EML1: variants seen among roughly 807,000 people sequenced by gnomAD.
EML1 encodes the protein echinoderm microtubule-associated protein-like 1.
A neutral mutation model predicts 110.4 loss-of-function variants in EML1; 27 were observed. That is an observed-to-expected ratio of 0.24 (90% CI 0.18 to 0.34). The LOEUF (loss-of-function observed/expected upper bound fraction) is 0.34, where lower values mean the gene tolerates loss of function less well. EML1 is among the 10% of genes least tolerant of loss of function. EML1 has a pLI of 1.00. For synonymous variants in EML1, 344 were observed against 385.8 expected, an observed-to-expected ratio of 0.89 and a Z score of 1.27; for missense variants, 741 against 1,030.9, an observed-to-expected ratio of 0.72 and a Z score of 3.85.
chr14:99,741,795 T>TG (rs1199531142), intron 1 of EML1, among the ~76,000 whole-genome samples: 4 of 152,060 alleles, frequency 2.6e-5, no homozygotes, highest in Admixed American at 6.5e-5. Context: ...CTCTCTGAGG[T>TG]GGGGGGGCCT....
chr14:99,821,023 CTTTTTTT>C (rs869159128), intron 1 of EML1, among the ~76,000 whole-genome samples: 5 of 133,874 alleles, frequency 3.7e-5, no homozygotes, highest in African/African-American at 5.6e-5. Context: ...CTTACATTTA[CTTTTTTT>C]TTTTTTTTTT....
intron 1 of EML1, among the ~76,000 whole-genome samples, chr14:99,765,832 CT>C (rs778093453): frequency 5.9e-5 from 9 of 151,960 alleles, no homozygotes; most frequent in Non-Finnish European, 1.3e-4. Context: ...CTTGAACCCC[CT>C]GCCTCAAGTA....
At chr14:99,790,865 C>CTTTTTTTTTTGTGA (rs763959981), upstream of EML1, among the ~76,000 whole-genome samples, 1 of 138,480 alleles carries the variant, frequency 7.2e-6, no homozygotes, top group African/African-American at 2.8e-5. Context: ...TTTTTCTTTT[C>CTTTTTTTTTTGTGA]CTTTTTTTTT....
chr14:99,741,372 TC>T (rs772756916), intron 1 of EML1, among the ~76,000 whole-genome samples: 23 of 152,014 alleles, frequency 1.5e-4, no homozygotes, highest in Middle Eastern at 3.4e-3. Flanking sequence ...GGGAAGTTGT[TC>T]CCCCGTCTTT....
At chr14:99,789,936 A>C (rs182716288), upstream of EML1, among the ~76,000 whole-genome samples, 79 of 152,242 alleles carry the variant, frequency 5.2e-4, no homozygotes, top group Non-Finnish European at 7.8e-4. Flanking sequence ...CACATTATTA[A>C]TTTTCAGAGA....
chr14:99,894,238 G>C (rs1220235812), intron 5 of EML1, among the ~76,000 whole-genome samples: 1 of 152,192 alleles, frequency 6.6e-6, no homozygotes, highest in Non-Finnish European at 1.5e-5. Flanking sequence ...TGGATATTGA[G>C]ATTGTGTATA....
In EML1 at chr14:99,874,966, A is replaced by G. The variant is rs2059265263; in HGVS notation, c.384-3519A>G. The G allele has an allele frequency of 2.5e-6, 4 of 1,613,764 alleles. No individual in the cohort carries two copies. In the African/African-American group the frequency reaches 4.0e-5, roughly 16 times the overall value. On this transcript the variant is annotated intron_variant, in intron 3 of 21. Transcript: ENST00000262233. ...TCTGTGAGTCTTCTCAATGCTTGCAAACTGAATAGATCGACACCAAGGTGA... is the reference window on the plus strand; with the variant it reads ...TCTGTGAGTCTTCTCAATGCTTGCAGACTGAATAGATCGACACCAAGGTGA...
rs765528097 is a variant in EML1 at position 99,937,809 on chromosome 14, T to C, written c.2096-8T>C. On this transcript the variant is annotated splice_region_variant and splice_polypyrimidine_tract_variant and intron_variant, in intron 19 of 21. Transcript: ENST00000262233. ...CTTAGATGTTGCCAGACTGTTTGCT[T>C]TTTGCAGGGGTTCCCTCTGCCTGTA... The C allele has an allele frequency of 5.0e-6, 8 of 1,613,534 alleles. No individual in the cohort carries two copies. In the South Asian group the frequency reaches 8.8e-5, roughly 18 times the overall value.
At chr14:99,770,930 G>A (rs1423671044), upstream of EML1, among the ~76,000 whole-genome samples, 3 of 150,940 alleles carry the variant, frequency 2.0e-5, no homozygotes, top group Non-Finnish European at 3.0e-5. Context: ...GACTACAGGC[G>A]CCCGCCACTA....
intron 9 of EML1, chr14:99,906,941 C>G (rs1441097177): frequency 6.5e-6 from 1 of 152,780 alleles, no homozygotes; most frequent in Admixed American, 6.5e-5. Context: ...CACTCAGGCC[C>G]CCAGAGCCGA....
At chr14:99,872,345 A>G (rs2059219878) in intron 3 of EML1, among the ~76,000 whole-genome samples, 1 of 152,216 alleles carries the variant, frequency 6.6e-6, no homozygotes, top group African/African-American at 2.4e-5. Context: ...CGAACACGTG[A>G]AAAATTATGC....
intron 1 of EML1, among the ~76,000 whole-genome samples, chr14:99,830,798 G>T (rs963879177): frequency 6.6e-6 from 1 of 152,040 alleles, no homozygotes; most frequent in Non-Finnish European, 1.5e-5. Flanking sequence ...TGATCCGCCC[G>T]CCTCAGCCTC....
intron 2 of EML1, among the ~76,000 whole-genome samples, chr14:99,854,034 T>G (rs758047219): frequency 8.5e-5 from 13 of 152,210 alleles, no homozygotes; most frequent in Non-Finnish European, 1.5e-4. Context: ...AATGCTTAGG[T>G]CTCACTCAGT....
At chr14:99,881,308 A>G (rs1177086067) in intron 4 of EML1, among the ~76,000 whole-genome samples, 13 of 152,362 alleles carry the variant, frequency 8.5e-5, no homozygotes, top group African/African-American at 3.1e-4. Flanking sequence ...ATTATTAGCC[A>G]TAAAGCTCAC....
chr14:99,752,741 C>A (rs1318062994), intron 1 of EML1, among the ~76,000 whole-genome samples: 1 of 152,146 alleles, frequency 6.6e-6, no homozygotes, highest in African/African-American at 2.4e-5. Context: ...CTTCCCAGCC[C>A]CCTTTAAGGA....
At chr14:99,792,779 C>T (rs1005943171), upstream of EML1, 12 of 152,326 alleles carry the variant, frequency 7.9e-5, no homozygotes, top group African/African-American at 2.9e-4. Flanking sequence ...TTCGAGCTGA[C>T]TTGCCAGTCC....
At chr14:99,855,916 A>T (rs1007876551) in intron 2 of EML1, among the ~76,000 whole-genome samples, 3 of 152,192 alleles carry the variant, frequency 2.0e-5, no homozygotes, top group Non-Finnish European at 4.4e-5. Flanking sequence ...CTCTGCAACC[A>T]CTGTCAAAAG....
chr14:99,770,385 A>ATCTATCTATCTC (rs1464159857), upstream of EML1, among the ~76,000 whole-genome samples: 1 of 150,578 alleles, frequency 6.6e-6, no homozygotes, highest in Admixed American at 6.6e-5. Context: ...CTTTCTATCT[A>ATCTATCTATCTC]TCTATCTATC....
chr14:99,835,760 A>G (rs1233566109), intron 1 of EML1, among the ~76,000 whole-genome samples: 2 of 152,208 alleles, frequency 1.3e-5, no homozygotes, highest in Non-Finnish European at 2.9e-5. Context: ...TTGCATGTGG[A>G]CATTCAATAT....
Sources: gnomAD v4.1 joint callset for allele counts (sites outside exome capture counted in the v4.1 genomes callset) on GRCh38, gnomAD v4.1.1 for gene constraint, MANE v1.5 for transcripts, NCBI Gene and HGNC (gene_info 2026-07-23, HGNC 2026-07-21) for gene names.